Variants in NBAS observed in about 807,000 individuals in gnomAD.
NBAS encodes the protein NBAS subunit of NRZ tethering complex.
NBAS carries 219 observed loss-of-function variants against 302.5 expected under a neutral mutation model. That is an observed-to-expected ratio of 0.72 (90% CI 0.65 to 0.81). The LOEUF is 0.81. Among genes scored for constraint, NBAS ranks in the 30% least tolerant of loss-of-function variants. NBAS has a pLI of 0.00. For missense variants in NBAS, 2,932 were observed against 2,841.6 expected, an observed-to-expected ratio of 1.03 and a Z score of -0.72; for synonymous variants, 1,118 against 1,021.6, an observed-to-expected ratio of 1.09 and a Z score of -1.80.
chr2:14,888,639 T>C, the NBAS span, among the ~76,000 whole-genome samples: 1 of 152,154 alleles, frequency 6.6e-6, no homozygotes, highest in Non-Finnish European at 1.5e-5. Context: ...AATTTAATAA[T>C]GTATAATTTA....
At chr2:15,556,681 T>G in intron 3 of NBAS, 102 bp downstream of exon 3, 1 of 1,159,894 alleles carries the variant, frequency 8.6e-7, no homozygotes, top group South Asian at 1.3e-5. Flanking sequence ...TGTCAGCAAC[T>G]TTATCATGAT....
the NBAS span, among the ~76,000 whole-genome samples, chr2:15,130,704 A>G: frequency 2.0e-5 from 3 of 152,174 alleles, no homozygotes. Context: ...TGAAACATAG[A>G]TGAGAGTCTT....
chr2:15,458,030 T>C (rs1197085526), intron 21 of NBAS, among the ~76,000 whole-genome samples: 2 of 152,170 alleles, frequency 1.3e-5, no homozygotes, highest in African/African-American at 2.4e-5. Context: ...ACCTAATTTA[T>C]GCAGTCAGCA....
At chr2:15,517,045 C>A (rs1572957649) in intron 9 of NBAS, among the ~76,000 whole-genome samples, 1 of 152,122 alleles carries the variant, frequency 6.6e-6, no homozygotes, top group East Asian at 1.9e-4. Context: ...AACTATCCCA[C>A]AAACTGCTCC....
intron 48 of NBAS, among the ~76,000 whole-genome samples, chr2:15,203,925 T>TGTGTGA (rs1418178192): frequency 3.6e-4 from 53 of 148,830 alleles, no homozygotes; most frequent in Admixed American, 3.4e-3. Context: ...TGTGTGTGTG[T>TGTGTGA]GAGTGGGGAG....
intron 22 of NBAS, 53 bp downstream of exon 22, chr2:15,427,658 A>C (rs1677545227): frequency 7.1e-7 from 1 of 1,412,000 alleles, no homozygotes. Context: ...CAGGGCCATC[A>C]GTTCACCCAT....
At chr2:14,931,156 A>T in the NBAS span, among the ~76,000 whole-genome samples, 2 of 152,254 alleles carry the variant, frequency 1.3e-5, no homozygotes, top group Non-Finnish European at 2.9e-5. Flanking sequence ...GATAAACCCC[A>T]GGAAACAAGG....
At chr2:14,919,387 T>C in the NBAS span, among the ~76,000 whole-genome samples, 1 of 152,212 alleles carries the variant, frequency 6.6e-6, no homozygotes, top group South Asian at 2.1e-4. Context: ...ATTATCTTTT[T>C]GTTGGTGGAG....
the NBAS span, among the ~76,000 whole-genome samples, chr2:14,860,971 CATCT>C: frequency 5.0e-3 from 764 of 152,194 alleles, 5 homozygotes; most frequent in African/African-American, 0.017. Flanking sequence ...AAGCTATGTA[CATCT>C]ATTATGTATC....
rs6716075 is a variant in NBAS, at chr2:15,245,644, T to C, written c.5725-6958A>G. Reference sequence around the variant, plus strand: ...ATGGATGGATGGATGGATGGATGGATGGACGGACGGACGGACGGATGGATG... The same window carrying C: ...ATGGATGGATGGATGGATGGATGGACGGACGGACGGACGGACGGATGGATG... On this transcript the variant is annotated intron_variant, in intron 44 of 51. Coordinates refer to ENST00000281513, the MANE Select transcript of NBAS (RefSeq NM_015909.4). 5.3e-3 allele frequency among the ~76,000 whole-genome samples: 798 copies of C among 149,172 alleles called. 9 individuals are homozygous for C. Among genetic ancestry groups the C allele is most frequent in the African/African-American group, 0.018 (730 of 39,994 alleles).
rs1679492095 is a variant in NBAS at position 15,461,229 on chromosome 2, C to T, written c.2311G>A (p.Glu771Lys). 4 of 1,613,608 alleles carry T rather than the reference C, an allele frequency of 2.5e-6. No homozygotes were observed. In the South Asian group the frequency reaches 4.4e-5, roughly 18 times the overall value. The change falls in exon 21 of 52, where the codon GAA becomes AAA. Residue 771 changes from glutamate to lysine, a missense_variant. Glu to Lys is a moderately conservative substitution (Grantham distance 56). Transcript: ENST00000281513. ...GCTTCGGGCAGCAAAACAGAATATT[C>T]ATGTGGAGAAGTGGTCTCTGGAAAG... ...SNFPETTSPH[E>K]YSVLLPEACF...
chr2:15,103,605 A>T, the NBAS span, among the ~76,000 whole-genome samples: 23 of 152,164 alleles, frequency 1.5e-4, no homozygotes, highest in African/African-American at 5.6e-4. Context: ...TATCACTGAG[A>T]TGCTTGGCAC....
chr2:15,069,254 A>C, the NBAS span, among the ~76,000 whole-genome samples: 1 of 152,224 alleles, frequency 6.6e-6, no homozygotes. Flanking sequence ...CGCCTCTTTA[A>C]GTCTGACTTG....
intron 47 of NBAS, among the ~76,000 whole-genome samples, chr2:15,222,347 C>G (rs1166526073): frequency 6.6e-6 from 1 of 152,152 alleles, no homozygotes; most frequent in African/African-American, 2.4e-5. Flanking sequence ...AAGTCCTAAC[C>G]AGTTTCACAT....
intron 44 of NBAS, among the ~76,000 whole-genome samples, chr2:15,254,903 G>T (rs1668521521): frequency 6.7e-6 from 1 of 149,286 alleles, no homozygotes; most frequent in East Asian, 1.9e-4. Context: ...TGTTCCATGG[G>T]GTGTGTGTGT....
the NBAS span, among the ~76,000 whole-genome samples, chr2:14,786,981 A>T: frequency 2.6e-5 from 4 of 152,178 alleles, no homozygotes; most frequent in African/African-American, 9.6e-5. Flanking sequence ...GTCACTCAGG[A>T]CTTGCTTTAT....
At chr2:15,479,459 A>G (rs982937944) in intron 12 of NBAS, among the ~76,000 whole-genome samples, 1 of 152,180 alleles carries the variant, frequency 6.6e-6, no homozygotes, top group Admixed American at 6.5e-5. Context: ...GCCACCATGT[A>G]TTTACGTGGC....
the NBAS span, among the ~76,000 whole-genome samples, chr2:14,957,278 CGTGT>C: frequency 5.3e-3 from 777 of 146,724 alleles, 5 homozygotes; most frequent in South Asian, 0.026. Flanking sequence ...TATACATATA[CGTGT>C]GTGTGTGTGT....
In NBAS at chr2:15,417,525, A is replaced by C. The variant is rs1421601333; in HGVS notation, c.2763+2T>G. On this transcript the variant is annotated splice_donor_variant, in intron 24 of 51. Transcript: ENST00000281513. LOFTEE classifies it high-confidence loss of function. ...TAAAAAGGAAGTTAAAATAAAACCT[A>C]CACTATTCATCAGTAATCTTAGTTT... is the stretch of plus-strand genomic sequence containing the variant. 1.9e-6 allele frequency: 3 copies of C among 1,609,762 alleles called. No homozygotes were observed. The highest frequency in any genetic ancestry group is 2.7e-5 in the African/African-American group (2 of 74,854).
Sources: gnomAD v4.1 joint callset for allele counts (sites outside exome capture counted in the v4.1 genomes callset) on GRCh38, gnomAD v4.1.1 for gene constraint, MANE v1.5 for transcripts, NCBI Gene and HGNC (gene_info 2026-07-23, HGNC 2026-07-21) for gene names.